RGS7: variants seen among roughly 807,000 people sequenced by gnomAD.
The protein encoded by RGS7 is regulator of G-protein signaling 7.
A neutral mutation model predicts 81.1 loss-of-function variants in RGS7; 27 were observed. The observed-to-expected ratio is 0.33, with a 90% CI of 0.25 to 0.46. The LOEUF (loss-of-function observed/expected upper bound fraction) is 0.46, where lower values mean the gene tolerates loss of function less well. Among genes scored for constraint, RGS7 ranks in the 20% least tolerant of loss-of-function variants. RGS7 has a pLI of 1.00. For synonymous variants in RGS7, 208 were observed against 207.7 expected (o/e 1.00, Z -0.01); for missense variants, 396 against 607.4 (o/e 0.65, Z 3.66).
intron 3 of RGS7, among the ~76,000 whole-genome samples, chr1:240,997,493 G>A (rs528412968): frequency 6.6e-5 from 10 of 152,094 alleles, no homozygotes; most frequent in Middle Eastern, 3.4e-3. Context: ...CATATCAGAC[G>A]TTGTTACATT....
At chr1:240,966,481 G>A (rs1682315450) in intron 4 of RGS7, among the ~76,000 whole-genome samples, 1 of 151,828 alleles carries the variant, frequency 6.6e-6, no homozygotes, top group Non-Finnish European at 1.5e-5. Flanking sequence ...TCTTGTTATG[G>A]CCTTGCTGTT....
chr1:241,022,130 C>T (rs1393826633), intron 3 of RGS7, among the ~76,000 whole-genome samples: 1 of 152,150 alleles, frequency 6.6e-6, no homozygotes. Context: ...CTCATTATTC[C>T]TTATAATAGC....
intron 2 of RGS7, among the ~76,000 whole-genome samples, chr1:241,106,716 CAAAAAA>C (rs757488665): frequency 5.3e-4 from 18 of 34,048 alleles, no homozygotes; most frequent in Admixed American, 2.3e-3. Context: ...ACTCCGTCTC[CAAAAAA>C]AAAAAAAAAA....
At chr1:241,043,410 G>A (rs1314509522) in intron 3 of RGS7, among the ~76,000 whole-genome samples, 1 of 148,772 alleles carries the variant, frequency 6.7e-6, no homozygotes, top group African/African-American at 2.5e-5. Context: ...TTGTTACTTT[G>A]TATTTTTGTT....
intron 15 of RGS7, among the ~76,000 whole-genome samples, chr1:240,804,792 T>C (rs764028085): frequency 1.3e-5 from 2 of 152,166 alleles, no homozygotes; most frequent in Non-Finnish European, 2.9e-5. Flanking sequence ...TATTTCTACA[T>C]TGGAGACCAT....
intron 4 of RGS7, among the ~76,000 whole-genome samples, chr1:240,944,331 T>TA: frequency 8.2e-6 from 1 of 122,694 alleles, no homozygotes; most frequent in Admixed American, 9.1e-5. Flanking sequence ...TATATATATA[T>TA]ATGTTAGGTG....
chr1:241,115,433 T>C (rs2065823740), intron 2 of RGS7, among the ~76,000 whole-genome samples: 1 of 152,222 alleles, frequency 6.6e-6, no homozygotes, highest in African/African-American at 2.4e-5. Context: ...ACATGATTTC[T>C]TTCAGGAGGC....
In RGS7 at chr1:240,819,300, C is replaced by T. The variant is rs546570769; in HGVS notation, c.685-2885G>A. ...ATGGTTTTAACAGTAAGTTTTTAGG[C>T]GAAGATTAAAAAAATAACATAAAAG... On this transcript the variant is annotated intron_variant, in intron 10 of 18. Transcript: ENST00000440928. Among the ~76,000 whole-genome samples, 51 of 151,654 alleles carry T rather than the reference C, an allele frequency of 3.4e-4. 1 individual carries two copies. The South Asian group carries it at 7.9e-3, about 24-fold the overall frequency.
intron 2 of RGS7, among the ~76,000 whole-genome samples, chr1:241,229,607 T>C (rs1019190284): frequency 1.3e-5 from 2 of 152,188 alleles, no homozygotes; most frequent in African/African-American, 2.4e-5. Flanking sequence ...ATACCAGAGA[T>C]GGTTTAATAA....
intron 2 of RGS7, among the ~76,000 whole-genome samples, chr1:241,178,694 C>T (rs2071358036): frequency 6.6e-6 from 1 of 152,120 alleles, no homozygotes; most frequent in Non-Finnish European, 1.5e-5. Flanking sequence ...GTTTTGAGCT[C>T]CTTCAAAGGT....
At chr1:241,295,565 A>G (rs2079374426) in intron 2 of RGS7, among the ~76,000 whole-genome samples, 1 of 152,240 alleles carries the variant, frequency 6.6e-6, no homozygotes, top group Non-Finnish European at 1.5e-5. Flanking sequence ...ACAAGTCGGT[A>G]AGAAAACACA....
intron 2 of RGS7, among the ~76,000 whole-genome samples, chr1:241,208,028 C>A (rs1179204752): frequency 3.9e-5 from 6 of 152,098 alleles, no homozygotes; most frequent in Non-Finnish European, 8.8e-5. Flanking sequence ...TCCTCAGCCT[C>A]CTGAATAGCT....
intron 2 of RGS7, among the ~76,000 whole-genome samples, chr1:241,312,848 C>T (rs2080630445): frequency 9.2e-6 from 1 of 109,172 alleles, no homozygotes; most frequent in South Asian, 3.3e-4. Context: ...ATAAGCCAAA[C>T]AGTCAGCCAA....
At chr1:241,243,159 T>G (rs1173724006) in intron 2 of RGS7, among the ~76,000 whole-genome samples, 1 of 152,232 alleles carries the variant, frequency 6.6e-6, no homozygotes, top group African/African-American at 2.4e-5. Flanking sequence ...AGAAGCAGAA[T>G]TGATGAGTGT....
intron 3 of RGS7, among the ~76,000 whole-genome samples, chr1:241,069,862 A>T (rs1052191815): frequency 2.0e-5 from 3 of 152,222 alleles, no homozygotes; most frequent in Non-Finnish European, 4.4e-5. Flanking sequence ...AGAAGAATTT[A>T]TATGTCATGA....
At chr1:241,098,844 T>C in intron 2 of RGS7, 82 bp from the exon 3 acceptor site, 1 of 1,002,774 alleles carries the variant, frequency 1.0e-6, no homozygotes, top group South Asian at 1.3e-5. Flanking sequence ...AATTTTGTAT[T>C]CCTGTTTTGC....
intron 6 of RGS7, among the ~76,000 whole-genome samples, chr1:240,888,183 C>T (rs1487792485): frequency 6.6e-6 from 1 of 152,182 alleles, no homozygotes; most frequent in Non-Finnish European, 1.5e-5. Flanking sequence ...AACGCAGTTC[C>T]TGGAGCTGGG....
chr1:241,267,592 T>C (rs1428758066), intron 2 of RGS7, among the ~76,000 whole-genome samples: 2 of 152,160 alleles, frequency 1.3e-5, no homozygotes, highest in Non-Finnish European at 1.5e-5. Flanking sequence ...CCTTATTATC[T>C]CTCTCTATAC....
At chr1:240,834,753 C>T (rs943069439) in intron 9 of RGS7, among the ~76,000 whole-genome samples, 69 of 152,098 alleles carry the variant, frequency 4.5e-4, no homozygotes, top group Admixed American at 7.9e-4. Flanking sequence ...CCTCGTGATC[C>T]GCCCGCCTCG....
Sources: gnomAD v4.1 joint callset for allele counts (sites outside exome capture counted in the v4.1 genomes callset) on GRCh38, gnomAD v4.1.1 for gene constraint, MANE v1.5 for transcripts, NCBI Gene and HGNC (gene_info 2026-07-23, HGNC 2026-07-21) for gene names.